The following TMEM170B variants were observed in gnomAD, a reference collection of about 807,000 sequenced individuals.
TMEM170B encodes transmembrane protein 170B.
A neutral mutation model predicts 13.0 loss-of-function variants in TMEM170B; 6 were observed. The ratio of observed to expected loss-of-function variants is 0.46; its 90% confidence interval spans 0.25 to 0.91. TMEM170B has a LOEUF of 0.91. TMEM170B is among the 40% of genes least tolerant of loss of function. The pLI, the probability that TMEM170B is intolerant of heterozygous loss-of-function variation, is 0.17. For synonymous variants in TMEM170B, 61 were observed against 64.9 expected, an observed-to-expected ratio of 0.94 and a Z score of 0.29; for missense variants, 138 against 165.2, an observed-to-expected ratio of 0.84 and a Z score of 0.90.
At chr6:11,563,755 AG>A (rs1193849897) in intron 1 of TMEM170B, among the ~76,000 whole-genome samples, 1 of 152,232 alleles carries the variant, frequency 6.6e-6, no homozygotes, top group Admixed American at 6.5e-5. Context: ...ACTTGAGGCC[AG>A]GGGTTCTAGA....
intron 1 of TMEM170B, among the ~76,000 whole-genome samples, chr6:11,552,850 A>G (rs1210805405): frequency 6.6e-6 from 1 of 152,166 alleles, no homozygotes; most frequent in Non-Finnish European, 1.5e-5. Flanking sequence ...AGACTGGCTT[A>G]AGGTCTACAA....
intron 1 of TMEM170B, among the ~76,000 whole-genome samples, chr6:11,542,908 A>T (rs1471090062): frequency 2.0e-5 from 3 of 152,204 alleles, no homozygotes; most frequent in African/African-American, 7.2e-5. Flanking sequence ...TCTTCAAAGT[A>T]CATTTGAAAG....
At chr6:11,541,441 C>T (rs1759359767) in intron 1 of TMEM170B, among the ~76,000 whole-genome samples, 1 of 152,144 alleles carries the variant, frequency 6.6e-6, no homozygotes, top group Admixed American at 6.5e-5. Context: ...TAGTATCAAA[C>T]TTTCTTTTGC....
In TMEM170B at chr6:11,577,922, TAGTTTG is replaced by T. The variant is rs1415987991; in HGVS notation, c.*2368_*2373del. On this transcript the variant is annotated 3_prime_UTR_variant, in exon 3 of 3. Transcript: ENST00000379426. The stretch of plus-strand genomic sequence containing the variant: ...TTTGATGTTTTGAGATGCAGTTGAA[TAGTTTG>T]AGTTTGTGAATTGTCTTAATAGCTA... 6.6e-6 allele frequency: 1 copy of T among 152,136 alleles called. No individual in the cohort carries two copies. Among genetic ancestry groups the T allele is most frequent in the Non-Finnish European group, 1.5e-5 (1 of 67,978 alleles). 9.4% of individuals were successfully genotyped at this position (152,136 alleles called of 1,614,324 possible). A position where few individuals can be genotyped will look rare whatever the true frequency, so the allele number is the denominator to read the frequency against.
At chr6:11,573,230 A>G (rs939278743) in intron 2 of TMEM170B, among the ~76,000 whole-genome samples, 2 of 152,026 alleles carry the variant, frequency 1.3e-5, no homozygotes, top group African/African-American at 4.8e-5. Flanking sequence ...TAAAGTTTAG[A>G]TGTGTACTTT....
Position 11,579,897 on chromosome 6 carries a change from C to G in TMEM170B, c.*4336C>G, listed in dbSNP as rs969076641. 1 of 152,154 alleles carries G rather than the reference C, an allele frequency of 6.6e-6. No homozygotes were observed. The highest frequency in any genetic ancestry group is 1.5e-5 in the Non-Finnish European group (1 of 68,024). 9.4% of individuals were successfully genotyped at this position (152,154 alleles called of 1,614,324 possible). On this transcript the variant is annotated 3_prime_UTR_variant, in exon 3 of 3. Transcript: ENST00000379426. ...TCTGTTTCTTCTGCCGGCCCTGGGCCCTTGGCTCTACAGTGTAGTGCCAAT... is the reference window on the plus strand; with the variant it reads ...TCTGTTTCTTCTGCCGGCCCTGGGCGCTTGGCTCTACAGTGTAGTGCCAAT...
At chr6:11,556,475 C>A (rs188694900) in intron 1 of TMEM170B, among the ~76,000 whole-genome samples, 2 of 152,176 alleles carry the variant, frequency 1.3e-5, no homozygotes, top group African/African-American at 2.4e-5. Context: ...TAGCCTCCCC[C>A]CAGTGGTGGA....
chr6:11,571,442 A>G (rs1759800669), intron 2 of TMEM170B, among the ~76,000 whole-genome samples: 1 of 150,260 alleles, frequency 6.7e-6, no homozygotes, highest in Admixed American at 6.6e-5. Context: ...TCTGCTGATG[A>G]CTCTCCTGTT....
intron 1 of TMEM170B, among the ~76,000 whole-genome samples, chr6:11,542,669 A>G (rs765286259): frequency 6.6e-5 from 10 of 152,200 alleles, no homozygotes; most frequent in Non-Finnish European, 1.2e-4. Flanking sequence ...GGCAGTCTAT[A>G]AGTGATAATA....
chr6:11,566,596 C>A (rs769227150), intron 2 of TMEM170B, among the ~76,000 whole-genome samples: 15 of 152,162 alleles, frequency 9.9e-5, no homozygotes, highest in Non-Finnish European at 1.9e-4. Context: ...GACACCAAGG[C>A]AAGCTTCAGA....
intron 1 of TMEM170B, among the ~76,000 whole-genome samples, chr6:11,560,031 T>C (rs1198628659): frequency 6.6e-6 from 1 of 151,948 alleles, no homozygotes; most frequent in Admixed American, 6.5e-5. Context: ...AATAAATACC[T>C]CTTATGTAAC....
intron 1 of TMEM170B, among the ~76,000 whole-genome samples, chr6:11,542,520 C>A (rs964817887): frequency 6.6e-6 from 1 of 152,160 alleles, no homozygotes; most frequent in Non-Finnish European, 1.5e-5. Context: ...ACCATGGGAA[C>A]CTCTACTAGG....
In TMEM170B at chr6:11,580,481, T is replaced by C. The variant is rs529198668; in HGVS notation, c.*4920T>C. 3.0e-4 allele frequency: 45 copies of C among 152,338 alleles called. No homozygotes were observed. Among genetic ancestry groups the C allele is most frequent in the African/African-American group, 1.1e-3 (44 of 41,574 alleles). The allele number at this position is 152,338 out of a possible 1,614,324, so 9.4% of individuals were successfully genotyped here. ...AGAATCTCTGCAGTCATTATTTGTTTTTAAGATGTGAGGGACGAGGAAAAT... is the reference window on the plus strand; with the variant it reads ...AGAATCTCTGCAGTCATTATTTGTTCTTAAGATGTGAGGGACGAGGAAAAT... On this transcript the variant is annotated 3_prime_UTR_variant, in exon 3 of 3. Coordinates refer to ENST00000379426, the MANE Select transcript of TMEM170B (RefSeq NM_001100829.3).
intron 1 of TMEM170B, among the ~76,000 whole-genome samples, chr6:11,559,613 A>G (rs1418453071): frequency 6.6e-6 from 1 of 152,214 alleles, no homozygotes; most frequent in African/African-American, 2.4e-5. Flanking sequence ...GCACTTTTCC[A>G]AATTATAAAT....
intron 2 of TMEM170B, among the ~76,000 whole-genome samples, chr6:11,569,535 CATT>C (rs1759774441): frequency 6.6e-6 from 1 of 152,160 alleles, no homozygotes; most frequent in Admixed American, 6.5e-5. Flanking sequence ...GTCTCTGTCA[CATT>C]ATTCAGTTCT....
chr6:11,545,430 A>G (rs533451981), intron 1 of TMEM170B, among the ~76,000 whole-genome samples: 5 of 152,082 alleles, frequency 3.3e-5, no homozygotes, highest in Non-Finnish European at 7.4e-5. Context: ...ATATACAGTC[A>G]TGTGCCATGT....
intron 2 of TMEM170B, 74 bp downstream of exon 2, chr6:11,565,910 T>C (rs1759726282): frequency 6.6e-6 from 9 of 1,369,014 alleles, no homozygotes; most frequent in Non-Finnish European, 8.3e-6. Flanking sequence ...GTTCTTATTA[T>C]ACATGTAACA....
At chr6:11,561,454 T>C (rs1044286136) in intron 1 of TMEM170B, among the ~76,000 whole-genome samples, 1 of 152,216 alleles carries the variant, frequency 6.6e-6, no homozygotes, top group Non-Finnish European at 1.5e-5. Flanking sequence ...CATCTGCTTT[T>C]GCTCTAGTCC....
chr6:11,551,546 T>G (rs754411664), intron 1 of TMEM170B, among the ~76,000 whole-genome samples: 9 of 152,196 alleles, frequency 5.9e-5, no homozygotes, highest in Non-Finnish European at 5.9e-5. Context: ...TGTCTCGATA[T>G]GTAAAATCAT....
Sources: gnomAD v4.1 joint callset for allele counts (sites outside exome capture counted in the v4.1 genomes callset) on GRCh38, gnomAD v4.1.1 for gene constraint, MANE v1.5 for transcripts, NCBI Gene and HGNC (gene_info 2026-07-23, HGNC 2026-07-21) for gene names.